Variants in TRIM5 observed in about 807,000 individuals in gnomAD.
The protein encoded by TRIM5 is tripartite motif containing 5, also known as tripartite motif-containing protein 5.
TRIM5 carries 31 observed loss-of-function variants against 35.6 expected under a neutral mutation model. The ratio of observed to expected loss-of-function variants is 0.87; its 90% CI spans 0.65 to 1.18. The LOEUF (loss-of-function observed/expected upper bound fraction) is 1.18, where lower values mean the gene tolerates loss of function less well. Among genes scored for constraint, TRIM5 ranks in the 50% most tolerant of loss-of-function variants. The pLI is 0.00. For synonymous variants in TRIM5, 243 were observed against 215.6 expected, an observed-to-expected ratio of 1.13 and a Z score of -1.11; for missense variants, 609 against 591.6, an observed-to-expected ratio of 1.03 and a Z score of -0.31.
chr11:5,650,963 G>C, the TRIM5 span, among the ~76,000 whole-genome samples: 1 of 152,168 alleles, frequency 6.6e-6, no homozygotes, highest in African/African-American at 2.4e-5. Flanking sequence ...GGTCCCAGTG[G>C]CAGGGCAGAT....
At chr11:5,602,375 G>A in the TRIM5 span, among the ~76,000 whole-genome samples, 2 of 151,778 alleles carry the variant, frequency 1.3e-5, no homozygotes, top group East Asian at 2.0e-4. Flanking sequence ...CCCAGGAGGC[G>A]GAGCTTGCAG....
intron 6 of TRIM5, 97 bp downstream of exon 6, chr11:5,665,884 C>A: frequency 7.5e-7 from 1 of 1,327,778 alleles, no homozygotes; most frequent in Non-Finnish European, 1.0e-6. Context: ...CTCCCCTATC[C>A]CCTCTATCCA....
the TRIM5 span, among the ~76,000 whole-genome samples, chr11:5,595,672 C>T: frequency 6.6e-6 from 1 of 151,838 alleles, no homozygotes; most frequent in South Asian, 2.1e-4. Context: ...CCGGATTTGC[C>T]GTTCATCAGG....
chr11:5,601,313 G>C, the TRIM5 span, among the ~76,000 whole-genome samples: 2 of 152,176 alleles, frequency 1.3e-5, no homozygotes, highest in Non-Finnish European at 2.9e-5. Context: ...AACTTACAAG[G>C]TGCATGATTG....
the TRIM5 span, among the ~76,000 whole-genome samples, chr11:5,606,330 A>T: frequency 6.6e-6 from 1 of 152,172 alleles, no homozygotes; most frequent in Non-Finnish European, 1.5e-5. Flanking sequence ...GAGAGATTTG[A>T]TGGAGGGACT....
At chr11:5,651,920 CT>C in the TRIM5 span, among the ~76,000 whole-genome samples, 2 of 152,036 alleles carry the variant, frequency 1.3e-5, no homozygotes. Context: ...TTTTCACATG[CT>C]TGTTGGCCAC....
At chr11:5,643,504 T>G in the TRIM5 span, 2 of 1,614,144 alleles carry the variant, frequency 1.2e-6, no homozygotes, top group Non-Finnish European at 8.5e-7. Flanking sequence ...GATCCCGAGG[T>G]TTTGACTCTC....
the TRIM5 span, chr11:5,605,713 G>A: frequency 2.0e-6 from 2 of 1,003,730 alleles, no homozygotes; most frequent in Non-Finnish European, 2.8e-6. Context: ...CTATTAAACT[G>A]TTTAGAGGTA....
intron 4 of TRIM5, among the ~76,000 whole-genome samples, chr11:5,674,008 C>A (rs1331637299): frequency 6.6e-6 from 1 of 151,082 alleles, no homozygotes; most frequent in African/African-American, 2.4e-5. Context: ...AAAAACTCAA[C>A]GAAAAAGATG....
At chr11:5,632,778 T>C in the TRIM5 span, 2 of 1,547,646 alleles carry the variant, frequency 1.3e-6, no homozygotes, top group South Asian at 2.4e-5. Flanking sequence ...TGGAGGGAGA[T>C]GGGGCAGAAG....
the TRIM5 span, among the ~76,000 whole-genome samples, chr11:5,625,864 A>G: frequency 6.6e-6 from 1 of 152,134 alleles, no homozygotes; most frequent in Non-Finnish European, 1.5e-5. Flanking sequence ...TGTAACCTCA[A>G]TTTGTTATTG....
the TRIM5 span, chr11:5,608,297 G>A: frequency 6.3e-7 from 1 of 1,596,192 alleles, no homozygotes; most frequent in Non-Finnish European, 8.5e-7. Context: ...CATGGGGTAG[G>A]GGACATGGAA....
At chr11:5,596,550 T>TCCCCTCCCCCCTG in the TRIM5 span, 1 of 46,318 alleles carries the variant, frequency 2.2e-5, no homozygotes, top group Non-Finnish European at 3.8e-5. Context: ...CCTTCCCCCT[T>TCCCCTCCCCCCTG]CCCCCTTCCC....
chr11:5,654,345 T>C, the TRIM5 span, among the ~76,000 whole-genome samples: 1 of 152,224 alleles, frequency 6.6e-6, no homozygotes, highest in African/African-American at 2.4e-5. Context: ...CAGTTTTGAT[T>C]GAGTAGGGTA....
the TRIM5 span, chr11:5,633,774 C>T: frequency 1.9e-6 from 3 of 1,600,454 alleles, no homozygotes; most frequent in East Asian, 2.2e-5. Flanking sequence ...AAGCTTATAG[C>T]TTGACTGTAG....
At chr11:5,657,892 A>G in the TRIM5 span, among the ~76,000 whole-genome samples, 2 of 151,010 alleles carry the variant, frequency 1.3e-5, no homozygotes, top group East Asian at 3.9e-4. Flanking sequence ...CTGGGATTAC[A>G]GGCCTGAGCC....
chr11:5,676,574 A>G (rs1851999692), intron 4 of TRIM5, among the ~76,000 whole-genome samples: 1 of 152,072 alleles, frequency 6.6e-6, no homozygotes, highest in Non-Finnish European at 1.5e-5. Flanking sequence ...TCAAGCTAAC[A>G]ATGACTTCAC....
At chr11:5,608,543 C>A in the TRIM5 span, 1 of 1,292,086 alleles carries the variant, frequency 7.7e-7, no homozygotes, top group African/African-American at 1.5e-5. Context: ...TTGGCATCCC[C>A]AAATAAAGGG....
chr11:5,591,492 T>G, the TRIM5 span, among the ~76,000 whole-genome samples: 2 of 152,058 alleles, frequency 1.3e-5, no homozygotes, highest in Non-Finnish European at 2.9e-5. Context: ...CTACTAAAAA[T>G]ACAAAATTAG....
Sources: gnomAD v4.1 joint callset for allele counts (sites outside exome capture counted in the v4.1 genomes callset) on GRCh38, gnomAD v4.1.1 for gene constraint, MANE v1.5 for transcripts, NCBI Gene and HGNC (gene_info 2026-07-23, HGNC 2026-07-21) for gene names.